Variants in ACAN observed in about 807,000 individuals in gnomAD.
ACAN encodes aggrecan core protein.
Under a neutral mutation model 169.1 loss-of-function variants are expected in ACAN, and 47 were observed. The ratio of observed to expected loss-of-function variants is 0.28; its 90% CI spans 0.22 to 0.35. The LOEUF (loss-of-function observed/expected upper bound fraction) is 0.35, where lower values mean the gene tolerates loss of function less well. Among genes scored for constraint, ACAN ranks in the 10% least tolerant of loss-of-function variants. The pLI is 1.00. For synonymous variants in ACAN, 1,115 were observed against 1,112.2 expected (o/e 1.00, Z -0.05); for missense variants, 2,716 against 2,759.9 (o/e 0.98, Z 0.36).
At position 88,872,875 on chromosome 15, in the gene ACAN, C is replaced by G; in HGVS notation, c.7303-6C>G. 2 of 1,613,284 alleles carry G rather than the reference C, an allele frequency of 1.2e-6. No individual in the cohort carries two copies. Among genetic ancestry groups the G allele is most frequent in the Non-Finnish European group, 1.7e-6 (2 of 1,179,856 alleles). On this transcript the variant is annotated splice_polypyrimidine_tract_variant and splice_region_variant and intron_variant, in intron 16 of 18. Transcript: ENST00000560601. This position sits in a 1 kb window ranked among gnomAD's most constrained non-coding sequence, Gnocchi z 5.4. ...CTCCTTACTCCTTCCCCACTCCCACCCACAGCAATTTGAGAACTGGCGCCC... is the reference window on the plus strand; with the variant it reads ...CTCCTTACTCCTTCCCCACTCCCACGCACAGCAATTTGAGAACTGGCGCCC...
rs1897189136 is a variant in ACAN, at chr15:88,861,321, C to T, written c.6946+882C>T. Among the ~76,000 whole-genome samples the T allele has an allele frequency of 6.6e-6, 1 of 152,066 alleles. No homozygotes were observed. On this transcript the variant is annotated intron_variant, in intron 13 of 18. Coordinates refer to ENST00000560601, the MANE Select transcript of ACAN (RefSeq NM_001369268.1). This position sits in a 1 kb window ranked among gnomAD's most constrained non-coding sequence, Gnocchi z 6.3. ...GGGTCTTTCATAAAAGGGGTCACTC[C>T]TAGGACATGTGCAAAAATGAAAAAA...
chr15:88,832,144 A>G (rs774189021), intron 1 of ACAN, among the ~76,000 whole-genome samples: 2 of 152,192 alleles, frequency 1.3e-5, no homozygotes, highest in African/African-American at 2.4e-5. Context: ...TGAGCTGTAT[A>G]TACAGGATTC....
intron 12 of ACAN, among the ~76,000 whole-genome samples, chr15:88,859,965 C>G (rs1217859452): frequency 1.3e-5 from 2 of 152,064 alleles, no homozygotes; most frequent in Non-Finnish European, 2.9e-5. Flanking sequence ...ATTCTGCATC[C>G]CCAACCCCAT....
At position 88,874,177 on chromosome 15, in the gene ACAN, A is replaced by C; in HGVS notation, c.7630+153A>C. On this transcript the variant is annotated intron_variant, in intron 18 of 18. Coordinates refer to ENST00000560601, the MANE Select transcript of ACAN (RefSeq NM_001369268.1). This position sits in a 1 kb window ranked among gnomAD's most constrained non-coding sequence, Gnocchi z 7.3. ...GCTGCTCAGTCACAAATAGCTGACC[A>C]CTGCCCTTAGAAGGGCCACGTACTT... The C allele has an allele frequency of 8.7e-7, 1 of 1,153,772 alleles. No individual in the cohort carries two copies. Among genetic ancestry groups the C allele is most frequent in the Non-Finnish European group, 1.3e-6 (1 of 799,866 alleles). The allele number at this position is 1,153,772 out of a possible 1,614,324, so 71.5% of individuals were successfully genotyped here. A position where few individuals can be genotyped will look rare whatever the true frequency, so the allele number is the denominator to read the frequency against.
In ACAN at chr15:88,849,086, C is replaced by T. The variant is rs546427777; in HGVS notation, c.1733-352C>T. ...TGGAGGGGGCCCAGGCGAGCTGCCT[C>T]GCTTAGCCAAGGGAGGGGGTGCCTA... On this transcript the variant is annotated intron_variant, in intron 9 of 18. Coordinates refer to ENST00000560601, the MANE Select transcript of ACAN (RefSeq NM_001369268.1). This position sits in a 1 kb window ranked among gnomAD's most constrained non-coding sequence, Gnocchi z 5.1. 1.3e-5 allele frequency among the ~76,000 whole-genome samples: 2 copies of T among 152,308 alleles called. No individual in the cohort carries two copies. The highest frequency in any genetic ancestry group is 4.1e-4 in the South Asian group (2 of 4,832).
At chr15:88,834,704 G>A (rs752691110) in intron 1 of ACAN, among the ~76,000 whole-genome samples, 8 of 152,228 alleles carry the variant, frequency 5.3e-5, no homozygotes, top group Non-Finnish European at 1.0e-4. Flanking sequence ...AGAACAACTC[G>A]GGGAACATCA....
rs1260767781 is a variant in ACAN at position 88,873,618 on chromosome 15, C to T, written c.7448-224C>T. On this transcript the variant is annotated intron_variant, in intron 17 of 18. Coordinates refer to ENST00000560601, the MANE Select transcript of ACAN (RefSeq NM_001369268.1). This position sits in a 1 kb window ranked among gnomAD's most constrained non-coding sequence, Gnocchi z 7.5. The stretch of plus-strand genomic sequence containing the variant: ...CCTCCCTTTCATCTTCTCTTCATCC[C>T]TTTAAAGACCACCCCGTTTGTATTC... 2 of 577,248 alleles carry T rather than the reference C, an allele frequency of 3.5e-6. No individual in the cohort carries two copies. The highest frequency in any genetic ancestry group is 6.2e-6 in the Non-Finnish European group (2 of 324,928). The allele number at this position is 577,248 out of a possible 1,614,324, so 35.8% of individuals were successfully genotyped here.
intron 2 of ACAN, among the ~76,000 whole-genome samples, chr15:88,836,729 G>A (rs1332313491): frequency 6.6e-6 from 1 of 152,248 alleles, no homozygotes; most frequent in African/African-American, 2.4e-5. Flanking sequence ...ACAGGTCTTT[G>A]CCTTTTCTGC....
At chr15:88,826,158 C>T (rs1017037057) in intron 1 of ACAN, among the ~76,000 whole-genome samples, 1 of 152,148 alleles carries the variant, frequency 6.6e-6, no homozygotes, top group Non-Finnish European at 1.5e-5. Flanking sequence ...GGGGGCTCTA[C>T]TGACTACCCA....
chr15:88,833,211 G>A (rs551914055), intron 1 of ACAN, among the ~76,000 whole-genome samples: 6 of 152,152 alleles, frequency 3.9e-5, no homozygotes, highest in Non-Finnish European at 5.9e-5. Flanking sequence ...ACACATGCAC[G>A]CATGCTCACA....
chr15:88,840,072 A>G lies in ACAN; in HGVS notation c.515A>G (p.Gln172Arg). 6.2e-7 allele frequency: 1 copy of G among 1,603,068 alleles called. No homozygotes were observed. Among genetic ancestry groups the G allele is most frequent in the South Asian group, 1.1e-5 (1 of 88,904 alleles). Reference protein sequence around the residue: ...TRYTLDFDRAQRACLQNSAII... With the variant: ...TRYTLDFDRARRACLQNSAII... Reference sequence around the variant, plus strand: ...TACACCCTCGACTTTGACAGGGCGCAGCGGGCCTGCCTGCAGAACAGTGCC... The same window carrying G: ...TACACCCTCGACTTTGACAGGGCGCGGCGGGCCTGCCTGCAGAACAGTGCC... The change falls in exon 4 of 19, where the codon CAG becomes CGG. Residue 172 changes from glutamine to arginine, a missense_variant. By Grantham distance (43) the Gln-to-Arg change is conservative. Around this residue, in one of 3 missense-constraint regions of ACAN, gnomAD observed 1,283 missense variants for 1,281.5 expected, o/e 1.00. Coordinates refer to ENST00000560601, the MANE Select transcript of ACAN (RefSeq NM_001369268.1).
intron 1 of ACAN, among the ~76,000 whole-genome samples, chr15:88,827,516 T>C (rs1358843464): frequency 6.6e-6 from 1 of 152,232 alleles, no homozygotes; most frequent in Admixed American, 6.5e-5. Flanking sequence ...CCCATTCACT[T>C]GGACCATCAT....
At chr15:88,847,857 A>G in intron 8 of ACAN, 54 bp from the exon 9 acceptor site, 1 of 1,595,168 alleles carries the variant, frequency 6.3e-7, no homozygotes. Flanking sequence ...AGGGCCGTGC[A>G]TCTACCAGCC....
Position 88,851,647 on chromosome 15 carries a change from C to A in ACAN, c.2027-147C>A. ...ATATCATTGGTGCCGATGGCTCTTA[C>A]TAAGCGAGAAGGCAAACAGCCATCT... is the stretch of plus-strand genomic sequence containing the variant. On this transcript the variant is annotated intron_variant, in intron 10 of 18. Coordinates refer to ENST00000560601, the MANE Select transcript of ACAN (RefSeq NM_001369268.1). The surrounding 1 kb of genome is among the most constrained non-coding windows in gnomAD (Gnocchi z 4.3). The A allele has an allele frequency of 2.2e-6, 2 of 920,208 alleles. No homozygotes were observed. The highest frequency in any genetic ancestry group is 3.2e-6 in the Non-Finnish European group (2 of 627,346). The allele number at this position is 920,208 out of a possible 1,614,324, so 57.0% of individuals were successfully genotyped here.
chr15:88,841,783 GA>G lies in ACAN; in HGVS notation c.674del (p.Asp225ValfsTer6), dbSNP rs768599280. On this transcript the variant is annotated frameshift_variant, in exon 5 of 19. Transcript: ENST00000560601. LOFTEE classifies it high-confidence loss of function. ...TPREGCYGDK[D>X]EFPGVRTYGI... ...CCGGGAAGGCTGCTATGGAGACAAG[GA>G]TGAGTTTCCTGGTGTGAGGACGTAT... 6.2e-7 allele frequency: 1 copy of G among 1,613,638 alleles called. No individual in the cohort carries two copies. The highest frequency in any genetic ancestry group is 8.5e-7 in the Non-Finnish European group (1 of 1,179,830).
chr15:88,865,735 A>G (rs1897269802), intron 13 of ACAN, among the ~76,000 whole-genome samples: 1 of 152,174 alleles, frequency 6.6e-6, no homozygotes, highest in South Asian at 2.1e-4. Context: ...CTCCTCTATC[A>G]GTTCCAGAAG....
rs762147927 is a variant in ACAN at position 88,843,629 on chromosome 15, C to T, written c.1032C>T (p.Tyr344=). 27 of 1,583,996 alleles carry T rather than the reference C, an allele frequency of 1.7e-5. No individual in the cohort carries two copies. The highest frequency in any genetic ancestry group is 6.8e-5 in the East Asian group (3 of 44,164). The change falls in exon 6 of 19, where the codon TAC becomes TAT. Residue 344 remains tyrosine, a synonymous_variant. Coordinates refer to ENST00000560601, the MANE Select transcript of ACAN (RefSeq NM_001369268.1). This position sits in a 1 kb window ranked among gnomAD's most constrained non-coding sequence, Gnocchi z 4.0. ...GCTACCCCGACCCCTCATCCCGCTA[C>T]GACGCCATCTGCTACACAGGTGGGG... ...QTGYPDPSSR[Y]DAICYTGEDF... is the part of the protein sequence containing the mutation.
At chr15:88,818,228 C>T (rs903414348) in intron 1 of ACAN, among the ~76,000 whole-genome samples, 4 of 152,208 alleles carry the variant, frequency 2.6e-5, no homozygotes, top group African/African-American at 7.2e-5. Flanking sequence ...ATGAAAAGTA[C>T]TTGTCAGTAG....
chr15:88,823,810 C>A (rs1294664905), intron 1 of ACAN, among the ~76,000 whole-genome samples: 7 of 152,198 alleles, frequency 4.6e-5, no homozygotes, highest in African/African-American at 1.7e-4. Flanking sequence ...ACCTACTACT[C>A]CCTGCTTGGT....
Sources: gnomAD v4.1 joint callset for allele counts (sites outside exome capture counted in the v4.1 genomes callset) on GRCh38, gnomAD v4.1.1 for gene constraint, gnomAD v4.1.1 regional missense constraint, Gnocchi (gnomAD v3.1) non-coding constraint, MANE v1.5 for transcripts, NCBI Gene and HGNC (gene_info 2026-07-23, HGNC 2026-07-21) for gene names.